STIM1: variants seen among roughly 807,000 people sequenced by gnomAD.
STIM1 encodes stromal interaction molecule 1.
A neutral mutation model predicts 74.7 loss-of-function variants in STIM1; 25 were observed. The observed-to-expected ratio is 0.33, with a 90% confidence interval of 0.24 to 0.47. The LOEUF is 0.47. Among genes scored for constraint, STIM1 ranks in the 20% least tolerant of loss-of-function variants. The pLI is 1.00. For synonymous variants in STIM1, 328 were observed against 348.8 expected (o/e 0.94, Z 0.66); for missense variants, 728 against 920.8 (o/e 0.79, Z 2.71).
intron 1 of STIM1, among the ~76,000 whole-genome samples, chr11:3,950,563 T>A (rs980712892): frequency 6.6e-6 from 1 of 152,232 alleles, no homozygotes; most frequent in Non-Finnish European, 1.5e-5. Context: ...TGAGCATTTA[T>A]GTACAGGTTT....
Position 4,073,945 on chromosome 11 carries a change from C to T in STIM1, c.792-557C>T, listed in dbSNP as rs145072039. 1.3e-3 allele frequency among the ~76,000 whole-genome samples: 201 copies of T among 152,252 alleles called. 1 individual carries two copies. Among genetic ancestry groups the T allele is most frequent in the Non-Finnish European group, 1.5e-3 (100 of 68,018 alleles). On this transcript the variant is annotated intron_variant, in intron 6 of 12. Transcript: ENST00000526596. ...TCCTCATCTTCCCTAATCCACCCCT[C>T]TGCTACCACCCCAGTCATTTCTCAG...
chr11:3,867,887 A>C, intron 1 of STIM1, among the ~76,000 whole-genome samples: 1 of 148,620 alleles, frequency 6.7e-6, no homozygotes, highest in African/African-American at 2.5e-5. Context: ...CAGGCTTTCA[A>C]ATCTCATGTG....
At chr11:3,903,631 G>C (rs1005274714) in intron 1 of STIM1, 2 of 152,236 alleles carry the variant, frequency 1.3e-5, no homozygotes, top group African/African-American at 4.8e-5. Flanking sequence ...CTCTTGTGGG[G>C]TCAGTCCATC....
At chr11:4,011,342 A>G (rs986313340) in intron 2 of STIM1, among the ~76,000 whole-genome samples, 9 of 152,228 alleles carry the variant, frequency 5.9e-5, no homozygotes, top group Non-Finnish European at 1.3e-4. Context: ...CCAACAGTGT[A>G]AAAGCATTCC....
chr11:4,081,977 T>A (rs1452427338), intron 7 of STIM1, among the ~76,000 whole-genome samples: 1 of 152,232 alleles, frequency 6.6e-6, no homozygotes, highest in African/African-American at 2.4e-5. Flanking sequence ...CAATTTGGGT[T>A]CTGGTTGACA....
intron 1 of STIM1, among the ~76,000 whole-genome samples, chr11:3,952,875 T>A (rs970140306): frequency 6.6e-6 from 1 of 152,168 alleles, no homozygotes; most frequent in Non-Finnish European, 1.5e-5. Flanking sequence ...TGAAGCCCTA[T>A]GGGAAACCAA....
At chr11:4,037,432 G>C (rs2094113240) in intron 3 of STIM1, among the ~76,000 whole-genome samples, 1 of 152,142 alleles carries the variant, frequency 6.6e-6, no homozygotes, top group African/African-American at 2.4e-5. Context: ...TTTCCTTGTA[G>C]TTTCTGGTTC....
chr11:4,054,344 C>T (rs1034736365), intron 3 of STIM1, among the ~76,000 whole-genome samples: 1 of 152,176 alleles, frequency 6.6e-6, no homozygotes, highest in African/African-American at 2.4e-5. Flanking sequence ...TGTGACATGG[C>T]TTCAACCTTC....
Position 3,940,600 on chromosome 11 carries a change from G to C in STIM1, c.140-26952G>C, listed in dbSNP as rs565748946. On this transcript the variant is annotated intron_variant, in intron 1 of 12. Transcript: ENST00000526596. ...TGGCTGATGCATCATGGTAGGCATC[G>C]AACTATTGGGAAGCAGCATACCCCC... Among the ~76,000 whole-genome samples the C allele has an allele frequency of 6.9e-4, 105 of 152,218 alleles. 1 individual carries two copies. Among genetic ancestry groups the C allele is most frequent in the Non-Finnish European group, 1.2e-3 (80 of 68,014 alleles).
At chr11:3,952,424 T>G (rs1297165623) in intron 1 of STIM1, among the ~76,000 whole-genome samples, 1 of 152,056 alleles carries the variant, frequency 6.6e-6, no homozygotes, top group African/African-American at 2.4e-5. Flanking sequence ...AAATAAAGTC[T>G]TCCAGGTTAA....
chr11:3,856,247 G>A lies in STIM1; in HGVS notation c.-24G>A, dbSNP rs1305226203. 6.2e-7 allele frequency: 1 copy of A among 1,613,726 alleles called. No homozygotes were observed. The highest frequency in any genetic ancestry group is 1.3e-5 in the African/African-American group (1 of 74,938). The stretch of plus-strand genomic sequence containing the variant: ...GGATCCCGAGGTGTCCACATCAGAC[G>A]CATGTTGACTGAGACCTAGAGTCAT... On this transcript the variant is annotated 5_prime_UTR_variant, in exon 1 of 13. Coordinates refer to ENST00000526596, the MANE Select transcript of STIM1 (RefSeq NM_001382567.1).
At chr11:4,083,232 A>G (rs979101340) in intron 9 of STIM1, 31 bp from the exon 10 acceptor site, 1 of 1,606,416 alleles carries the variant, frequency 6.2e-7, no homozygotes, top group Non-Finnish European at 8.5e-7. Flanking sequence ...CACCAAGTCC[A>G]TGCCTGCAGT....
intron 1 of STIM1, among the ~76,000 whole-genome samples, chr11:3,893,190 A>G (rs1239608144): frequency 1.3e-5 from 2 of 152,262 alleles, no homozygotes; most frequent in African/African-American, 4.8e-5. Flanking sequence ...TGAAAACAAT[A>G]TAGAGGGATG....
At position 4,073,048 on chromosome 11, in the gene STIM1, G is replaced by GTTTTT. The variant is rs56009858; in HGVS notation, c.792-1436_792-1432dup. On this transcript the variant is annotated intron_variant, in intron 6 of 12. Coordinates refer to ENST00000526596, the MANE Select transcript of STIM1 (RefSeq NM_001382567.1). Reference sequence around the variant, plus strand: ...GCCACTGATAGCTCTGGACTTAGAGGTTTTTTTTTTTTTTTTTTTTTTACA... The same window carrying GTTTTT: ...GCCACTGATAGCTCTGGACTTAGAGGTTTTTTTTTTTTTTTTTTTTTTTTTTTACA... Among the ~76,000 whole-genome samples, 559 of 82,788 alleles carry GTTTTT rather than the reference G, an allele frequency of 6.8e-3. 33 individuals are homozygous for GTTTTT. Among genetic ancestry groups the GTTTTT allele is most frequent in the Admixed American group, 0.011 (63 of 5,758 alleles). The allele number at this position is 82,788 out of a possible 152,430, so 54.3% of individuals were successfully genotyped here.
intron 3 of STIM1, among the ~76,000 whole-genome samples, chr11:4,025,331 G>A (rs1355836175): frequency 6.6e-6 from 1 of 152,204 alleles, no homozygotes; most frequent in Non-Finnish European, 1.5e-5. Flanking sequence ...GATGCTTCCT[G>A]TTAACTCTAT....
chr11:4,034,425 A>G (rs1232316381), intron 3 of STIM1, among the ~76,000 whole-genome samples: 1 of 152,074 alleles, frequency 6.6e-6, no homozygotes, highest in Non-Finnish European at 1.5e-5. Flanking sequence ...AATTTGATAA[A>G]TTACAGTGAC....
chr11:3,968,779 AATG>A lies in STIM1; in HGVS notation c.270+1103_270+1105del, dbSNP rs1289546898. 2.0e-5 allele frequency among the ~76,000 whole-genome samples: 3 copies of A among 152,348 alleles called. No individual in the cohort carries two copies. In the East Asian group the frequency reaches 5.8e-4, roughly 29 times the overall value. ...AGAAGTAAATCAATCAGACTTAAGT[AATG>A]ATGATAGTAAAGTGAAAACCATGAT... On this transcript the variant is annotated intron_variant, in intron 2 of 12. Transcript: ENST00000526596.
At chr11:3,966,599 C>T (rs967183679) in intron 1 of STIM1, among the ~76,000 whole-genome samples, 2 of 152,054 alleles carry the variant, frequency 1.3e-5, no homozygotes, top group Non-Finnish European at 2.9e-5. Context: ...AAGTAGTTGT[C>T]GAGATCCAGG....
At chr11:3,870,932 G>A (rs1430791815) in intron 1 of STIM1, among the ~76,000 whole-genome samples, 1 of 145,966 alleles carries the variant, frequency 6.9e-6, no homozygotes, top group African/African-American at 2.5e-5. Flanking sequence ...GAGTGCAGTG[G>A]TGCGATCTCG....
Sources: allele counts gnomAD v4.1 joint callset (sites outside exome capture counted in the v4.1 genomes callset), GRCh38; gene constraint gnomAD v4.1.1; transcripts MANE v1.5; gene names NCBI Gene and HGNC (gene_info 2026-07-23, HGNC 2026-07-21).